MUC4: variants seen among roughly 807,000 people sequenced by gnomAD.
MUC4 encodes the protein mucin-4.
In MUC4, 202 loss-of-function variants were observed where a neutral mutation model predicts 257.9. That is an observed-to-expected ratio of 0.78 (90% CI 0.70 to 0.88). The LOEUF (loss-of-function observed/expected upper bound fraction) is 0.88. Among genes scored for constraint, MUC4 ranks in the 40% least tolerant of loss-of-function variants. MUC4 has a pLI of 0.00. For synonymous variants in MUC4, 2,351 were observed against 2,757.1 expected, an observed-to-expected ratio of 0.85 and a Z score of 4.62; for missense variants, 5,976 against 6,513.7, an observed-to-expected ratio of 0.92 and a Z score of 2.84.
chr3:195,756,726 A>G (rs1380127561), intron 18 of MUC4, among the ~76,000 whole-genome samples: 1 of 149,890 alleles, frequency 6.7e-6, no homozygotes, highest in Non-Finnish European at 1.5e-5. Context: ...ACAATGGCGC[A>G]ATCTTGGCTC....
chr3:195,798,867 T>C (rs1734918918), intron 1 of MUC4, among the ~76,000 whole-genome samples: 1 of 152,188 alleles, frequency 6.6e-6, no homozygotes. Flanking sequence ...ATGTCTTGGA[T>C]GGCAGTTCCT....
Position 195,761,469 on chromosome 3 carries a change from C to T in MUC4, c.14614+15G>A. ...CTCACCTGCCCCTCTGCCCCAGGAC[C>T]CTGCCCAGACTCACAGGTCATTCCA... On this transcript the variant is annotated intron_variant, in intron 15 of 24. Transcript: ENST00000463781. 1.2e-6 allele frequency: 2 copies of T among 1,606,766 alleles called. No individual in the cohort carries two copies. The highest frequency in any genetic ancestry group is 1.1e-5 in the South Asian group (1 of 90,910).
Position 195,765,120 on chromosome 3 carries a change from G to C in MUC4, c.13801C>G (p.Arg4601Gly), listed in dbSNP as rs773231733. The C allele has an allele frequency of 6.2e-7, 1 of 1,611,762 alleles. No individual in the cohort carries two copies. Among genetic ancestry groups the C allele is most frequent in the African/African-American group, 1.3e-5 (1 of 74,900 alleles). ...DLRFQPVSIG[R>G]WGLGSRQLCS... The stretch of plus-strand genomic sequence containing the variant: ...AGCTGCCTACTGCCGAGGCCCCAGC[G>C]ACCTGAAACAAGTCCAGTCCCACTC... The change falls in exon 10 of 25, where the codon CGC (arginine) becomes GGC (glycine). Residue 4601 changes from arginine to glycine, a missense_variant and splice_region_variant. Physicochemically the swap from Arg to Gly is moderately radical, Grantham distance 125. Coordinates refer to ENST00000463781, the MANE Select transcript of MUC4 (RefSeq NM_018406.7).
chr3:195,809,223 C>A (rs570882773), intron 1 of MUC4, among the ~76,000 whole-genome samples: 1 of 152,342 alleles, frequency 6.6e-6, no homozygotes, highest in South Asian at 2.1e-4. Flanking sequence ...ACCCTCATTG[C>A]GGCAGCTCCT....
At chr3:195,774,794 G>C (rs1278328297) in intron 3 of MUC4, among the ~76,000 whole-genome samples, 1 of 151,704 alleles carries the variant, frequency 6.6e-6, no homozygotes, top group Non-Finnish European at 1.5e-5. Context: ...CAGCCACTCG[G>C]GAGGCTGAGG....
intron 19 of MUC4, chr3:195,753,940 G>T: frequency 2.5e-6 from 1 of 407,606 alleles, no homozygotes; most frequent in Admixed American, 4.4e-5. Context: ...CAATGCCTCA[G>T]GGATGCCCAG....
At chr3:195,773,984 G>A (rs1177227996) in intron 4 of MUC4, among the ~76,000 whole-genome samples, 188 bp downstream of exon 4, 1 of 152,252 alleles carries the variant, frequency 6.6e-6, no homozygotes, top group Non-Finnish European at 1.5e-5. Flanking sequence ...GGGCCCAGCA[G>A]GTGGGCAGCC....
chr3:195,754,407 G>A lies in MUC4; in HGVS notation c.15169-35C>T, dbSNP rs371052033. 7 of 1,579,922 alleles carry A rather than the reference G, an allele frequency of 4.4e-6. No homozygotes were observed. In the East Asian group the frequency reaches 1.1e-4, roughly 26 times the overall value. ...GGTTGCCGATCACGGGCGGCCAGGA[G>A]ACCAAACTGGGAAGGGCTTCTGGGT... On this transcript the variant is annotated intron_variant, in intron 18 of 24. Transcript: ENST00000463781.
Position 195,755,166 on chromosome 3 carries a change from A to C in MUC4, c.15169-794T>G, listed in dbSNP as rs577489678. Among the ~76,000 whole-genome samples, 1 of 148,152 alleles carries C rather than the reference A, an allele frequency of 6.7e-6. No individual in the cohort carries two copies. The highest frequency in any genetic ancestry group is 6.8e-5 in the Admixed American group (1 of 14,706). Reference sequence around the variant, plus strand: ...CGAGGAGCTGGGGCTACAGGCATGCACCACCACGCCCACTAATTTTTGTAT... The same window carrying C: ...CGAGGAGCTGGGGCTACAGGCATGCCCCACCACGCCCACTAATTTTTGTAT... On this transcript the variant is annotated intron_variant, in intron 18 of 24. Transcript: ENST00000463781. This position sits in a 1 kb window ranked among gnomAD's most constrained non-coding sequence, Gnocchi z 5.0.
Position 195,763,536 on chromosome 3 carries a change from G to T in MUC4, c.14150C>A (p.Ser4717Tyr). The T allele has an allele frequency of 6.3e-7, 1 of 1,584,870 alleles. No individual in the cohort carries two copies. Among genetic ancestry groups the T allele is most frequent in the Admixed American group, 1.7e-5 (1 of 57,246 alleles). ...GGCGGTGCGGCCCTGAAGCAGGAAG[G>T]AGGAGTTCCCGTCTTGGGCCCCGAC... is the stretch of plus-strand genomic sequence containing the variant. ...LLVGAQDGNS[S>Y]FLLQGRTAQT... Residue 4717 changes from serine to tyrosine, a missense_variant, in exon 12 of 25, where the codon TCC becomes TAC. Ser to Tyr is a moderately radical substitution (Grantham distance 144). Around this residue, in one of 44 missense-constraint regions of MUC4, gnomAD observed 996 missense variants for 1,137.3 expected, o/e 0.88. Transcript: ENST00000463781.
intron 1 of MUC4, among the ~76,000 whole-genome samples, chr3:195,805,362 G>A (rs955480234): frequency 6.6e-6 from 1 of 152,094 alleles, no homozygotes; most frequent in African/African-American, 2.4e-5. Context: ...AAATCCGGCT[G>A]TGAGCACAGC....
At chr3:195,772,505 G>A (rs1270226474) in intron 4 of MUC4, among the ~76,000 whole-genome samples, 2 of 116,700 alleles carry the variant, frequency 1.7e-5, no homozygotes, top group Non-Finnish European at 1.7e-5. Context: ...TCCCTTCATC[G>A]CTCAGGGGTG....
At position 195,782,958 on chromosome 3, in the gene MUC4, G is replaced by T. The variant is rs1381654488; in HGVS notation, c.8622C>A (p.Ser2874=). ...SLPVTDASSV[S]TGHATPLPVT... ...CAGGAAGAGGGGTGGCATGACCTGT[G>T]GACACTGAGGAAGCGTCGGTGACAG... Residue 2874 remains serine, a synonymous_variant, in exon 2 of 25, where the codon TCC becomes TCA. Coordinates refer to ENST00000463781, the MANE Select transcript of MUC4 (RefSeq NM_018406.7). The T allele has an allele frequency of 8.3e-7, 1 of 1,205,890 alleles. No homozygotes were observed. The highest frequency in any genetic ancestry group is 1.1e-6 in the Non-Finnish European group (1 of 896,046). 74.7% of individuals were successfully genotyped at this position (1,205,890 alleles called of 1,614,324 possible).
intron 23 of MUC4, among the ~76,000 whole-genome samples, 159 bp from the exon 24 acceptor site, chr3:195,749,223 A>G (rs1180065790): frequency 6.6e-6 from 1 of 152,284 alleles, no homozygotes; most frequent in Non-Finnish European, 1.5e-5. Context: ...CATGGTGGAT[A>G]ATAGTAACGT....
chr3:195,761,382 A>C, intron 15 of MUC4, 102 bp downstream of exon 15: 1 of 1,024,322 alleles, frequency 9.8e-7, no homozygotes, highest in Non-Finnish European at 1.5e-6. Context: ...CTCAGACCTT[A>C]GGGAGGATGG....
chr3:195,749,354 G>A (rs1421159435), intron 23 of MUC4, among the ~76,000 whole-genome samples: 1 of 152,080 alleles, frequency 6.6e-6, no homozygotes, highest in Non-Finnish European at 1.5e-5. Flanking sequence ...GTGGAAAAAG[G>A]TTCCTATGGA....
At chr3:195,771,890 C>T in intron 4 of MUC4, 74 bp from the exon 5 acceptor site, 2 of 1,518,924 alleles carry the variant, frequency 1.3e-6, no homozygotes, top group Non-Finnish European at 1.8e-6. Flanking sequence ...GGTCCAGCTC[C>T]TCAAAAGCGT....
chr3:195,801,818 C>A (rs906642991), intron 1 of MUC4, among the ~76,000 whole-genome samples: 7 of 152,142 alleles, frequency 4.6e-5, no homozygotes, highest in Admixed American at 2.6e-4. Flanking sequence ...GCGCCCCCCC[C>A]TCCACGTGCT....
At chr3:195,751,150 T>C (rs963487370) in intron 22 of MUC4, 38 bp from the exon 23 acceptor site, 2 of 526,668 alleles carry the variant, frequency 3.8e-6, no homozygotes, top group African/African-American at 1.6e-4. Flanking sequence ...GGTGGGGGGC[T>C]GGGGGTGGGG....
Sources: allele counts gnomAD v4.1 joint callset (sites outside exome capture counted in the v4.1 genomes callset), GRCh38; gene constraint gnomAD v4.1.1; regional missense constraint gnomAD v4.1.1; non-coding constraint Gnocchi (gnomAD v3.1); transcripts MANE v1.5; gene names NCBI Gene and HGNC (gene_info 2026-07-23, HGNC 2026-07-21).